NAV1: variants seen among roughly 807,000 people sequenced by gnomAD.
NAV1 encodes pore membrane and/or filament interacting like protein 3.
Under a neutral mutation model 175.2 loss-of-function variants are expected in NAV1, and 18 were observed. The ratio of observed to expected loss-of-function variants is 0.10; its 90% CI spans 0.07 to 0.15. The LOEUF is 0.15. Ranked by LOEUF, NAV1 falls within the 10% of genes least tolerant of loss-of-function variation. The pLI, the probability that NAV1 is intolerant of heterozygous loss-of-function variation, is 1.00. For synonymous variants in NAV1, 897 were observed against 978.7 expected, an observed-to-expected ratio of 0.92 and a Z score of 1.56; for missense variants, 1,731 against 2,436.6, an observed-to-expected ratio of 0.71 and a Z score of 6.10.
intron 13 of NAV1, 140 bp downstream of exon 17, chr1:201,790,906 T>C (rs570961254): frequency 9.7e-5 from 70 of 722,438 alleles, no homozygotes; most frequent in Non-Finnish European, 1.5e-4. Flanking sequence ...CACAGCTCTA[T>C]GATAGAAGAC....
At position 201,718,438 on chromosome 1, in the gene NAV1, C is replaced by T. The variant is rs1358104720; in HGVS notation, c.909C>T (p.Ser303=). Residue 303 remains serine (S), a synonymous_variant, in exon 3 of 30, where the codon AGC becomes AGT. Transcript: ENST00000367296. This position sits in a 1 kb window ranked among gnomAD's most constrained non-coding sequence, Gnocchi z 4.8. The stretch of plus-strand genomic sequence containing the variant: ...ACAGCGATGATGCCAACCCACGCAG[C>T]GTGTCCAGCCTCTCCAACCGCTCGT... 22 of 1,557,366 alleles carry T rather than the reference C, an allele frequency of 1.4e-5. No individual in the cohort carries two copies. The highest frequency in any genetic ancestry group is 1.7e-5 in the Non-Finnish European group (20 of 1,146,022).
rs572325916 is a variant in NAV1, at chr1:201,694,975, T to C, written c.758-17842T>C. Among the ~76,000 whole-genome samples the C allele has an allele frequency of 6.6e-6, 1 of 152,316 alleles. No homozygotes were observed. Among genetic ancestry groups the C allele is most frequent in the Non-Finnish European group, 1.5e-5 (1 of 68,032 alleles). On this transcript the variant is annotated intron_variant, in intron 1 of 29. Coordinates refer to ENST00000367296, the Ensembl canonical transcript of NAV1. This position sits in a 1 kb window ranked among gnomAD's most constrained non-coding sequence, Gnocchi z 4.2. ...GCATTTGCCTCCTTGCTTCCAAATG[T>C]AGAGGGACAGTAGAGATCGTCTGCC...
chr1:201,711,959 C>T (rs528323608), intron 1 of NAV1, among the ~76,000 whole-genome samples: 50 of 152,290 alleles, frequency 3.3e-4, no homozygotes, highest in African/African-American at 1.1e-3. Flanking sequence ...GATTCTCATC[C>T]GTCCAGGCTA....
intron 3 of NAV1, among the ~76,000 whole-genome samples, chr1:201,756,808 CCTTCTTT>C (rs1311629672): frequency 1.4e-3 from 32 of 22,772 alleles, no homozygotes; most frequent in African/African-American, 4.6e-3. Context: ...TTCTTTCTTT[CCTTCTTT>C]CTTTCTTTCT....
exon 30 of NAV1, chr1:201,821,505 G>GACACAC (rs57007517): frequency 0.036 from 5,175 of 144,540 alleles, 231 homozygotes; most frequent in East Asian, 0.2. Context: ...GGTTAAAACA[G>GACACAC]ACACACACAC....
rs527892333 is a variant in NAV1, at chr1:201,566,273, A to C, written c.-143-22266A>C. ...ATGAAATGCCGGCAGCTCCAGCCACACCCCAGCTCACTTTGGAGGCCTGCT... is the reference window on the plus strand; with the variant it reads ...ATGAAATGCCGGCAGCTCCAGCCACCCCCCAGCTCACTTTGGAGGCCTGCT... On this transcript the variant is annotated intron_variant, in intron 1 of 33. Coordinates refer to the NAV1 transcript ENST00000685211. Among the ~76,000 whole-genome samples the C allele has an allele frequency of 2.6e-5, 4 of 151,988 alleles. No individual in the cohort carries two copies. In the South Asian group the frequency reaches 8.3e-4, roughly 32 times the overall value.
intron 1 of NAV1, among the ~76,000 whole-genome samples, chr1:201,692,109 G>C (rs904174415): frequency 2.0e-5 from 3 of 152,196 alleles, no homozygotes; most frequent in African/African-American, 4.8e-5. Context: ...TCTCCCTGCT[G>C]TCTCACCCGT....
chr1:201,547,571 C>T lies in NAV1; in HGVS notation c.-144+8229C>T, dbSNP rs149867053. ...TTTGACTTATATCATTTCATGTAAT[C>T]GTTCCAACAACTTAGCGAGATAGGT... On this transcript the variant is annotated intron_variant, in intron 1 of 33. Coordinates refer to the NAV1 transcript ENST00000685211. Among the ~76,000 whole-genome samples the T allele has an allele frequency of 6.3e-3, 961 of 152,252 alleles. 4 individuals are homozygous for T. Among genetic ancestry groups the T allele is most frequent in the Non-Finnish European group, 0.011 (753 of 68,008 alleles).
At chr1:201,676,802 A>G (rs1313829625) in intron 1 of NAV1, among the ~76,000 whole-genome samples, 1 of 152,078 alleles carries the variant, frequency 6.6e-6, no homozygotes, top group African/African-American at 2.4e-5. Flanking sequence ...GGCACTCCAT[A>G]CTTTTTAAGC....
chr1:201,783,756 C>T, exon 7 of NAV1: 1 of 1,614,150 alleles, frequency 6.2e-7, no homozygotes, highest in South Asian at 1.1e-5. Flanking sequence ...AGCAGTACTC[C>T]CGTCCCCACC....
Position 201,539,511 on chromosome 1 carries a change from T to C in NAV1, c.-144+169T>C, listed in dbSNP as rs960089570. On this transcript the variant is annotated intron_variant, in intron 1 of 33. Coordinates refer to the NAV1 transcript ENST00000685211. This position sits in a 1 kb window ranked among gnomAD's most constrained non-coding sequence, Gnocchi z 5.6. Reference sequence around the variant, plus strand: ...GCTGGGCTCGGGAGAGGCGCTGGAATAAATAACAACCAAGATGCTCGCGGC... The same window carrying C: ...GCTGGGCTCGGGAGAGGCGCTGGAACAAATAACAACCAAGATGCTCGCGGC... 6.6e-6 allele frequency among the ~76,000 whole-genome samples: 1 copy of C among 151,940 alleles called. No homozygotes were observed. Among genetic ancestry groups the C allele is most frequent in the African/African-American group, 2.4e-5 (1 of 41,376 alleles).
intron 13 of NAV1, chr1:201,792,125 C>T (rs550097831): frequency 6.6e-6 from 1 of 152,078 alleles, no homozygotes; most frequent in African/African-American, 2.4e-5. Flanking sequence ...TTCCATTTGG[C>T]TAAGAGAGAA....
intron 2 of NAV1, among the ~76,000 whole-genome samples, chr1:201,594,344 G>A (rs1046456319): frequency 1.3e-5 from 2 of 152,186 alleles, no homozygotes; most frequent in East Asian, 1.9e-4. Context: ...AGGAGAAAGG[G>A]AGGGGAGGAG....
intron 2 of NAV1, among the ~76,000 whole-genome samples, chr1:201,643,097 CTCTT>C (rs375426123): frequency 0.024 from 3,633 of 148,760 alleles, 155 homozygotes; most frequent in African/African-American, 0.086. Context: ...CTTTCTTTTT[CTCTT>C]TCTTTCTTTC....
chr1:201,790,751 T>C, exon 13 of NAV1: 1 of 1,614,126 alleles, frequency 6.2e-7, no homozygotes, highest in Non-Finnish European at 8.5e-7. Context: ...CCTTGACGTC[T>C]CAGCTTTCTG....
chr1:201,705,255 A>T (rs1010493168), intron 1 of NAV1, among the ~76,000 whole-genome samples: 3 of 152,210 alleles, frequency 2.0e-5, no homozygotes, highest in African/African-American at 7.2e-5. Flanking sequence ...ACCGTAGGTG[A>T]TCTGGAAAGA....
At chr1:201,707,951 A>G (rs558797237) in intron 1 of NAV1, among the ~76,000 whole-genome samples, 2 of 152,338 alleles carry the variant, frequency 1.3e-5, no homozygotes, top group South Asian at 2.1e-4. Context: ...TGGAGTCAAA[A>G]AGACTTGTGA....
rs1665432011 is a variant in NAV1, at chr1:201,539,299, G to A, written c.-187G>A. Among the ~76,000 whole-genome samples, 1 of 151,890 alleles carries A rather than the reference G, an allele frequency of 6.6e-6. No individual in the cohort carries two copies. Among genetic ancestry groups the A allele is most frequent in the Non-Finnish European group, 1.5e-5 (1 of 67,944 alleles). ...TGCCCTTGGGGATGCGCGACTCTGC[G>A]CGGCTGCGGCGCGGACCCGGAGCCC... On this transcript the variant is annotated 5_prime_UTR_variant, in exon 1 of 34. Transcript: ENST00000685211. The surrounding 1 kb of genome is among the most constrained non-coding windows in gnomAD (Gnocchi z 5.6).
intron 2 of NAV1, among the ~76,000 whole-genome samples, chr1:201,616,049 C>T (rs1471299890): frequency 7.7e-6 from 1 of 129,878 alleles, no homozygotes; most frequent in Non-Finnish European, 1.5e-5. Flanking sequence ...AACAGAAATA[C>T]TTGTTGGTCC....
Sources: gnomAD v4.1 joint callset for allele counts (sites outside exome capture counted in the v4.1 genomes callset) on GRCh38, gnomAD v4.1.1 for gene constraint, Gnocchi (gnomAD v3.1) non-coding constraint, MANE v1.5 for transcripts, NCBI Gene and HGNC (gene_info 2026-07-23, HGNC 2026-07-21) for gene names.